The following SLIT1 variants were observed in gnomAD, a reference collection of about 807,000 sequenced individuals.
SLIT1 encodes slit guidance ligand 1.
Under a neutral mutation model 186.1 loss-of-function variants are expected in SLIT1, and 66 were observed. The observed-to-expected ratio is 0.35, with a 90% confidence interval of 0.29 to 0.44. SLIT1 has a LOEUF of 0.44. Ranked by LOEUF, SLIT1 falls within the 20% of genes least tolerant of loss-of-function variation. The pLI is 1.00. For synonymous variants in SLIT1, 761 were observed against 833.8 expected (o/e 0.91, Z 1.50); for missense variants, 1,638 against 2,037.4 (o/e 0.80, Z 3.77).
chr10:97,100,632 C>A (rs1287149722), intron 4 of SLIT1, among the ~76,000 whole-genome samples: 134 of 142,124 alleles, frequency 9.4e-4, no homozygotes, highest in South Asian at 1.1e-3. Context: ...GACTCTGTCT[C>A]AAAAAAAAAA....
intron 1 of SLIT1, among the ~76,000 whole-genome samples, chr10:97,175,787 C>T (rs964374345): frequency 2.6e-5 from 4 of 152,066 alleles, no homozygotes; most frequent in African/African-American, 9.7e-5. Flanking sequence ...CATGCAGGCC[C>T]CTGGGAGGCC....
intron 13 of SLIT1, among the ~76,000 whole-genome samples, chr10:97,053,284 A>T (rs1848807662): frequency 6.6e-6 from 1 of 152,194 alleles, no homozygotes; most frequent in African/African-American, 2.4e-5. Flanking sequence ...ACATTCTGCC[A>T]GCTGCTTAAA....
chr10:97,076,675 C>G (rs1412681232), intron 4 of SLIT1, among the ~76,000 whole-genome samples: 1 of 152,218 alleles, frequency 6.6e-6, no homozygotes, highest in East Asian at 1.9e-4. Context: ...TGATAAGAAC[C>G]TGCATTGTGC....
At chr10:97,087,913 A>G (rs1042020082) in intron 4 of SLIT1, among the ~76,000 whole-genome samples, 2 of 152,112 alleles carry the variant, frequency 1.3e-5, no homozygotes, top group African/African-American at 4.8e-5. Context: ...AAGTTTGCTA[A>G]GAAAATGTGC....
At chr10:97,096,477 AC>A (rs1217258618) in intron 4 of SLIT1, among the ~76,000 whole-genome samples, 1 of 151,884 alleles carries the variant, frequency 6.6e-6, no homozygotes, top group African/African-American at 2.4e-5. Context: ...CTTATTTTTA[AC>A]AGCTCTGATT....
At chr10:97,174,169 G>T (rs1850227112) in intron 1 of SLIT1, among the ~76,000 whole-genome samples, 1 of 152,184 alleles carries the variant, frequency 6.6e-6, no homozygotes, top group Admixed American at 6.5e-5. Flanking sequence ...TGCCATCGGA[G>T]TTGTGGGTCA....
chr10:97,051,357 TA>T (rs2134629688), intron 13 of SLIT1, among the ~76,000 whole-genome samples: 1 of 151,532 alleles, frequency 6.6e-6, no homozygotes, highest in African/African-American at 2.4e-5. Flanking sequence ...GAATGTAAAA[TA>T]GTACAGCCAA....
At chr10:97,172,782 T>A (rs1459993166) in intron 1 of SLIT1, among the ~76,000 whole-genome samples, 3 of 152,008 alleles carry the variant, frequency 2.0e-5, no homozygotes, top group Non-Finnish European at 2.9e-5. Flanking sequence ...TAATCTCAGC[T>A]CCTTGGGAGA....
intron 4 of SLIT1, among the ~76,000 whole-genome samples, chr10:97,144,407 G>A (rs1849796068): frequency 6.6e-6 from 1 of 152,198 alleles, no homozygotes; most frequent in Admixed American, 6.5e-5. Flanking sequence ...CTTGGGAAAT[G>A]CATTCAGAGA....
At chr10:97,001,906 G>C (rs989096761) in intron 36 of SLIT1, among the ~76,000 whole-genome samples, 1 of 152,166 alleles carries the variant, frequency 6.6e-6, no homozygotes, top group African/African-American at 2.4e-5. Flanking sequence ...ACCCTGGGTG[G>C]TCTCTTCTGC....
At chr10:97,037,111 T>G (rs1054945328) in intron 22 of SLIT1, among the ~76,000 whole-genome samples, 12 of 150,694 alleles carry the variant, frequency 8.0e-5, no homozygotes, top group Non-Finnish European at 1.6e-4. Context: ...TGTGTGTGTG[T>G]GTGACGGAGT....
rs1410870424 is a variant in SLIT1 at position 97,043,763 on chromosome 10, T to G, written c.1854-250A>C. Among the ~76,000 whole-genome samples the G allele has an allele frequency of 6.6e-6, 1 of 152,202 alleles. No individual in the cohort carries two copies. Among genetic ancestry groups the G allele is most frequent in the Non-Finnish European group, 1.5e-5 (1 of 68,018 alleles). On this transcript the variant is annotated intron_variant, in intron 18 of 36. Transcript: ENST00000266058. The surrounding 1 kb of genome is among the most constrained non-coding windows in gnomAD (Gnocchi z 7.0). ...TGTCTCTCTCTCCCTGCCACTGCCC[T>G]GTCCCCCATGCTGGCCTTGCCTCCG...
rs1848303684 is a variant in SLIT1, at chr10:97,001,119, C to T, written c.4598G>A (p.Cys1533Tyr). ...EKPTKCGCAL[C>Y]A ...GCCTGTCCACGCCCAGCGCTATGCGCAGAGGGCACAGCCACACTTGGTGGG... is the reference window on the plus strand; with the variant it reads ...GCCTGTCCACGCCCAGCGCTATGCGTAGAGGGCACAGCCACACTTGGTGGG... Residue 1533 changes from cysteine to tyrosine, a missense_variant, in exon 37 of 37, where the codon TGC becomes TAC. Cys to Tyr is a radical substitution (Grantham distance 194, BLOSUM62 -2). Around this residue, in one of 3 missense-constraint regions of SLIT1, gnomAD observed 220 missense variants for 211.3 expected, o/e 1.04. Transcript: ENST00000266058. 6.2e-7 allele frequency: 1 copy of T among 1,612,524 alleles called. No individual in the cohort carries two copies. The highest frequency in any genetic ancestry group is 8.5e-7 in the Non-Finnish European group (1 of 1,179,726).
At chr10:97,155,116 A>G (rs2636811) in intron 4 of SLIT1, 128,124 of 152,272 alleles carry the variant, frequency 0.84, 53,992 homozygotes, top group African/African-American at 0.88. Context: ...ATGAACATCC[A>G]CTGAGGGCCA....
At chr10:97,106,584 G>T (rs954848870) in intron 4 of SLIT1, among the ~76,000 whole-genome samples, 1 of 152,164 alleles carries the variant, frequency 6.6e-6, no homozygotes, top group African/African-American at 2.4e-5. Context: ...ATAACCCTGG[G>T]AGGTAGGCTT....
Position 97,049,066 on chromosome 10 carries a change from C to T in SLIT1, c.1354G>A (p.Asp452Asn), listed in dbSNP as rs1261769832. 2 of 1,613,740 alleles carry T rather than the reference C, an allele frequency of 1.2e-6. No homozygotes were observed. Among genetic ancestry groups the T allele is most frequent in the Admixed American group, 3.3e-5 (2 of 60,012 alleles). ...TCGATGGGATTGGTGCGCAGGAAGT[C>T]TGCCAGCCACTTGAGGTTACAGTCG... is the stretch of plus-strand genomic sequence containing the variant. ...ICDCNLKWLA[D>N]FLRTNPIETS... The change falls in exon 14 of 37, where the codon GAC becomes AAC. Residue 452 changes from aspartate to asparagine, a missense_variant. Physicochemically the swap from Asp to Asn is conservative, Grantham distance 23 (BLOSUM62 1). Coordinates refer to ENST00000266058, the MANE Select transcript of SLIT1 (RefSeq NM_003061.3).
Position 97,011,524 on chromosome 10 carries a change from C to T in SLIT1, c.3204-394G>A, listed in dbSNP as rs542691756. Among the ~76,000 whole-genome samples the T allele has an allele frequency of 4.5e-4, 69 of 152,250 alleles. No individual in the cohort carries two copies. In the South Asian group the frequency reaches 0.013, roughly 29 times the overall value. Reference sequence around the variant, plus strand: ...ACCCTCCCTGTTCTCCCAGGACCCACTACCATGTGACTGAGTTCCACAGGC... The same window carrying T: ...ACCCTCCCTGTTCTCCCAGGACCCATTACCATGTGACTGAGTTCCACAGGC... On this transcript the variant is annotated intron_variant, in intron 30 of 36. Coordinates refer to ENST00000266058, the MANE Select transcript of SLIT1 (RefSeq NM_003061.3).
Position 97,001,134 on chromosome 10 carries a change from C to T in SLIT1, c.4583G>A (p.Cys1528Tyr). ...GCGCTATGCGCAGAGGGCACAGCCA[C>T]ACTTGGTGGGCTTTTCCACCTCCTC... ...FAEEVEKPTK[C>Y]GCALCA The change falls in exon 37 of 37, where the codon TGT becomes TAT. Residue 1528 changes from cysteine to tyrosine, a missense_variant. This residue lies in a region of SLIT1 where 220 missense variants were observed against 211.3 expected (regional missense o/e 1.04). Coordinates refer to ENST00000266058, the MANE Select transcript of SLIT1 (RefSeq NM_003061.3). The T allele has an allele frequency of 6.2e-7, 1 of 1,613,024 alleles. No homozygotes were observed. The highest frequency in any genetic ancestry group is 8.5e-7 in the Non-Finnish European group (1 of 1,179,796).
At chr10:97,084,751 G>A (rs752064161) in intron 4 of SLIT1, among the ~76,000 whole-genome samples, 18 of 146,512 alleles carry the variant, frequency 1.2e-4, no homozygotes, top group South Asian at 4.4e-4. Flanking sequence ...GATTGCAGGC[G>A]AGTGCCACCA....
Sources: gnomAD v4.1 joint callset for allele counts (sites outside exome capture counted in the v4.1 genomes callset) on GRCh38, gnomAD v4.1.1 for gene constraint, gnomAD v4.1.1 regional missense constraint, Gnocchi (gnomAD v3.1) non-coding constraint, MANE v1.5 for transcripts, NCBI Gene and HGNC (gene_info 2026-07-23, HGNC 2026-07-21) for gene names.